ANK3: variants seen among roughly 807,000 people sequenced by gnomAD.
ANK3 encodes ankyrin 3.
A neutral mutation model predicts 370.9 loss-of-function variants in ANK3; 57 were observed. The observed-to-expected ratio is 0.15, with a 90% CI of 0.12 to 0.19. The LOEUF (loss-of-function observed/expected upper bound fraction) is 0.19, where lower values mean the gene tolerates loss of function less well. ANK3 is among the 10% of genes least tolerant of loss of function. The probability of loss-of-function intolerance (pLI) is 1.00; values close to 1 mark genes in which losing one functional copy is unlikely to be tolerated. For missense variants in ANK3, 4,439 were observed against 5,302.1 expected (o/e 0.84, Z 5.06); for synonymous variants, 1,929 against 1,946.3 (o/e 0.99, Z 0.23).
At chr10:60,328,810 T>G (rs1171136756) in intron 1 of ANK3, among the ~76,000 whole-genome samples, 1 of 152,128 alleles carries the variant, frequency 6.6e-6, no homozygotes, top group African/African-American at 2.4e-5. Flanking sequence ...TACCAAAACC[T>G]GGCAAAGACA....
At position 60,075,874 on chromosome 10, in the gene ANK3, C is replaced by T. The variant is rs991201922; in HGVS notation, c.5007G>A (p.Pro1669=). Residue 1669 remains proline, a synonymous_variant, in exon 37 of 44, where the codon CCG becomes CCA. Transcript: ENST00000280772. ...CTGACTTTAAAGGTGAAGATATTAG[C>T]GGTGCTGCTGATGTAATAATTGACT... ...PFKSIITSAA[P]LISSPLKSVV... is the part of the protein sequence containing the mutation. The T allele has an allele frequency of 6.8e-6, 11 of 1,614,086 alleles. No individual in the cohort carries two copies. The highest frequency in any genetic ancestry group is 1.3e-5 in the African/African-American group (1 of 75,022).
intron 1 of ANK3, among the ~76,000 whole-genome samples, chr10:60,387,130 A>G (rs2062483856): frequency 6.6e-6 from 1 of 151,984 alleles, no homozygotes; most frequent in Admixed American, 6.6e-5. Flanking sequence ...ACTGCACTCC[A>G]GCCTGGGCAA....
intron 1 of ANK3, among the ~76,000 whole-genome samples, chr10:60,688,631 T>C (rs935189966): frequency 6.6e-6 from 1 of 152,208 alleles, no homozygotes; most frequent in African/African-American, 2.4e-5. Context: ...TTAAGTCACT[T>C]GCCCAAGGCA....
intron 16 of ANK3, among the ~76,000 whole-genome samples, chr10:60,190,448 C>T (rs565405013): frequency 2.0e-5 from 3 of 152,228 alleles, no homozygotes; most frequent in Non-Finnish European, 2.9e-5. Flanking sequence ...ACCCCCAAAC[C>T]AAAATACAAA....
At chr10:60,358,939 A>G (rs1324829306) in intron 1 of ANK3, among the ~76,000 whole-genome samples, 1 of 152,174 alleles carries the variant, frequency 6.6e-6, no homozygotes, top group Non-Finnish European at 1.5e-5. Context: ...TAAATAAATA[A>G]AGCAACTCTT....
Position 60,582,125 on chromosome 10 carries a change from T to G in ANK3, c.96+33061A>C, listed in dbSNP as rs12251772. On this transcript the variant is annotated intron_variant, in intron 2 of 43. Transcript: ENST00000373827. ...ATCACACACTGGGGCTTGTCAGGGG[T>G]TGCGGGGCTAGGGGAGGGATAGCAT... is the stretch of plus-strand genomic sequence containing the variant. Among the ~76,000 whole-genome samples the G allele has an allele frequency of 2.5e-3, 382 of 151,998 alleles. 3 individuals carry two copies. The highest frequency in any genetic ancestry group is 8.9e-3 in the African/African-American group (370 of 41,460).
At chr10:60,353,428 C>T (rs2057250700) in intron 1 of ANK3, among the ~76,000 whole-genome samples, 1 of 152,108 alleles carries the variant, frequency 6.6e-6, no homozygotes, top group South Asian at 2.1e-4. Context: ...GTCAAACTTT[C>T]CTTGGTTACC....
intron 12 of ANK3, among the ~76,000 whole-genome samples, chr10:60,201,052 C>T (rs2096665691): frequency 6.6e-6 from 1 of 152,236 alleles, no homozygotes; most frequent in African/African-American, 2.4e-5. Context: ...ATAGGTGATG[C>T]TCACTTTTAA....
At chr10:60,211,892 C>CAAAAAAAAAAAAAAAAAAAAAAAGAAA (rs72238553) in intron 9 of ANK3, among the ~76,000 whole-genome samples, 1 of 93,400 alleles carries the variant, frequency 1.1e-5, no homozygotes, top group African/African-American at 4.8e-5. Context: ...AATACAGAGC[C>CAAAAAAAAAAAAAAAAAAAAAAAGAAA]AAAAAAAAAA....
At chr10:60,172,800 A>G in intron 20 of ANK3, 100 bp downstream of exon 20, 1 of 711,650 alleles carries the variant, frequency 1.4e-6, no homozygotes, top group Non-Finnish European at 2.4e-6. Flanking sequence ...TGCTCTGTTT[A>G]TGCCTCTTCA....
chr10:60,537,099 T>C (rs2076742517), intron 2 of ANK3, among the ~76,000 whole-genome samples: 1 of 151,924 alleles, frequency 6.6e-6, no homozygotes, highest in Non-Finnish European at 1.5e-5. Flanking sequence ...CACAATTCAG[T>C]GGAAGGATTT....
chr10:60,470,022 A>G (rs561876418), intron 2 of ANK3, among the ~76,000 whole-genome samples: 1 of 152,148 alleles, frequency 6.6e-6, no homozygotes, highest in South Asian at 2.1e-4. Context: ...GTGATAGAGA[A>G]AACAGGGAGC....
chr10:60,184,592 T>G (rs2096278176), intron 17 of ANK3, among the ~76,000 whole-genome samples: 1 of 152,210 alleles, frequency 6.6e-6, no homozygotes, highest in Non-Finnish European at 1.5e-5. Flanking sequence ...GGCCAGAAAT[T>G]TCCAGGTTTC....
intron 41 of ANK3, among the ~76,000 whole-genome samples, chr10:60,058,261 T>C (rs2079593523): frequency 6.6e-6 from 1 of 152,198 alleles, no homozygotes; most frequent in African/African-American, 2.4e-5. Context: ...ACAAACTACA[T>C]TCCTAATGGT....
intron 1 of ANK3, among the ~76,000 whole-genome samples, chr10:60,688,471 T>C (rs1373670164): frequency 1.3e-5 from 2 of 152,210 alleles, no homozygotes; most frequent in East Asian, 1.9e-4. Flanking sequence ...CACTTAAAAA[T>C]TGTTGAGGAT....
At chr10:60,060,639 A>G (rs986016303) in intron 40 of ANK3, 2 of 152,196 alleles carry the variant, frequency 1.3e-5, no homozygotes, top group African/African-American at 4.8e-5. Context: ...ATGTTAAGAA[A>G]AGGATTGAAA....
chr10:60,692,442 T>G (rs1338067867), intron 1 of ANK3, among the ~76,000 whole-genome samples: 1 of 152,210 alleles, frequency 6.6e-6, no homozygotes, highest in African/African-American at 2.4e-5. Context: ...TATTTCTGTA[T>G]ATCTATTTCT....
At chr10:60,146,272 A>C (rs2094818630) in intron 23 of ANK3, among the ~76,000 whole-genome samples, 1 of 152,224 alleles carries the variant, frequency 6.6e-6, no homozygotes, top group Non-Finnish European at 1.5e-5. Flanking sequence ...TGAAGTAACA[A>C]GGCAGGAAGA....
intron 40 of ANK3, chr10:60,062,761 A>T (rs960377292): frequency 3.6e-5 from 6 of 164,680 alleles, no homozygotes; most frequent in African/African-American, 1.4e-4. Flanking sequence ...CCTATATACG[A>T]ATAAAAGAGG....
Sources: allele counts gnomAD v4.1 joint callset (sites outside exome capture counted in the v4.1 genomes callset), GRCh38; gene constraint gnomAD v4.1.1; transcripts MANE v1.5; gene names NCBI Gene and HGNC (gene_info 2026-07-23, HGNC 2026-07-21).